Variants in HSF1 observed in about 807,000 individuals in gnomAD.
HSF1 encodes the protein heat shock transcription factor 1.
HSF1 carries 32 observed loss-of-function variants against 51.7 expected under a neutral mutation model. The ratio of observed to expected loss-of-function variants is 0.62; its 90% confidence interval spans 0.47 to 0.83. The LOEUF is 0.83. Among genes scored for constraint, HSF1 ranks in the 40% least tolerant of loss-of-function variants. The pLI, the probability that HSF1 is intolerant of heterozygous loss-of-function variation, is 0.00. For missense variants in HSF1, 727 were observed against 717.0 expected (o/e 1.01, Z -0.16); for synonymous variants, 396 against 309.7 (o/e 1.28, Z -2.92).
chr8:144,295,221 A>G (rs1473793392), intron 1 of HSF1, among the ~76,000 whole-genome samples: 1 of 152,268 alleles, frequency 6.6e-6, no homozygotes, highest in Non-Finnish European at 1.5e-5. Context: ...GCCTCTTCAG[A>G]GAATTTGACA....
rs782069048 is a variant in HSF1 at position 144,312,146 on chromosome 8, C to A, written c.1044C>A (p.Leu348=). The change falls in exon 9 of 13, where the codon CTC becomes CTA. Residue 348 remains leucine, a synonymous_variant. Transcript: ENST00000528838. The stretch of plus-strand genomic sequence containing the variant: ...CTGCCCCCGCCTCCGTCACAGCCCT[C>A]ACGGACGCCAGGGGCCACACGGACA... ...SEPAPASVTA[L]TDARGHTDTE... is the part of the protein sequence containing the mutation. 1.9e-6 allele frequency: 3 copies of A among 1,611,532 alleles called. No individual in the cohort carries two copies. The highest frequency in any genetic ancestry group is 2.5e-6 in the Non-Finnish European group (3 of 1,179,552).
At chr8:144,301,499 TAAAACC>T (rs1442864094) in intron 1 of HSF1, among the ~76,000 whole-genome samples, 1 of 152,044 alleles carries the variant, frequency 6.6e-6, no homozygotes, top group African/African-American at 2.4e-5. Context: ...TTAAGCAGGA[TAAAACC>T]AAAACCATAT....
chr8:144,309,432 G>A (rs782249274), intron 2 of HSF1, 23 bp from the exon 3 acceptor site: 3 of 1,613,424 alleles, frequency 1.9e-6, no homozygotes, highest in Non-Finnish European at 2.5e-6. Context: ...AGGCAGAGCT[G>A]CCCCCTTCCC....
At chr8:144,305,331 C>G (rs953654189) in intron 1 of HSF1, among the ~76,000 whole-genome samples, 2 of 151,026 alleles carry the variant, frequency 1.3e-5, no homozygotes, top group East Asian at 2.0e-4. Flanking sequence ...GACAGAGTCT[C>G]TTTCTGTCAC....
chr8:144,313,013 C>G, intron 9 of HSF1: 1 of 500,726 alleles, frequency 2.0e-6, no homozygotes, highest in Non-Finnish European at 3.6e-6. Flanking sequence ...TCCAGGGCAC[C>G]TCTGGGACCC....
In HSF1 at chr8:144,314,118, C is replaced by T. The variant is rs1554846062; in HGVS notation, c.1385-7C>T. The T allele has an allele frequency of 6.5e-6, 10 of 1,544,540 alleles. No individual in the cohort carries two copies. Among genetic ancestry groups the T allele is most frequent in the Non-Finnish European group, 7.9e-6 (9 of 1,144,086 alleles). The stretch of plus-strand genomic sequence containing the variant: ...CCCCCACCGCCTTGACACCCCCACC[C>T]CCGCAGGGAAGCAGCTGGTGCACTA... On this transcript the variant is annotated splice_polypyrimidine_tract_variant and splice_region_variant and intron_variant, in intron 12 of 12. Coordinates refer to ENST00000528838, the MANE Select transcript of HSF1 (RefSeq NM_005526.4).
At chr8:144,309,984 G>C (rs1292623369) in intron 4 of HSF1, 88 bp downstream of exon 4, 1 of 1,485,350 alleles carries the variant, frequency 6.7e-7, no homozygotes, top group Non-Finnish European at 9.1e-7. Flanking sequence ...GCCCTGACCG[G>C]GGCCAGGTGC....
chr8:144,295,612 G>T (rs1815401530), intron 1 of HSF1, among the ~76,000 whole-genome samples: 1 of 152,140 alleles, frequency 6.6e-6, no homozygotes, highest in African/African-American at 2.4e-5. Context: ...GGAGTGCAGG[G>T]CTATGATTGC....
At chr8:144,309,251 G>A (rs1445946727) in intron 2 of HSF1, 7 of 696,948 alleles carry the variant, frequency 1.0e-5, no homozygotes, top group East Asian at 5.4e-5. Flanking sequence ...TGTACTCCAC[G>A]TGTGTCGGGC....
In HSF1 at chr8:144,312,227, C is replaced by T. The variant is rs1237004786; in HGVS notation, c.1125C>T (p.Ser375=). The stretch of plus-strand genomic sequence containing the variant: ...CCTCCACCCCTGAAAAGTGCCTCAG[C>T]GTAGCCTGCCTGGACAAGTGAGTGC... ...PPTSTPEKCL[S]VACLDKNELS... is the part of the protein sequence containing the mutation. The change falls in exon 9 of 13, where the codon AGC becomes AGT. Residue 375 remains serine, a synonymous_variant. Transcript: ENST00000528838. 5.7e-6 allele frequency: 9 copies of T among 1,581,134 alleles called. No individual in the cohort carries two copies. In the Admixed American group the frequency reaches 6.9e-5, roughly 12 times the overall value.
intron 8 of HSF1, 33 bp from the exon 9 acceptor site, chr8:144,311,930 G>A: frequency 6.3e-7 from 1 of 1,580,936 alleles, no homozygotes; most frequent in South Asian, 1.1e-5. Context: ...GGCTGGCCGA[G>A]ACGCCAGCTC....
At chr8:144,307,044 T>C (rs1306151381) in intron 1 of HSF1, among the ~76,000 whole-genome samples, 1 of 152,198 alleles carries the variant, frequency 6.6e-6, no homozygotes, top group Non-Finnish European at 1.5e-5. Flanking sequence ...AGCTCGGGGC[T>C]GGCTCAGGTC....
Position 144,311,119 on chromosome 8 carries a change from T to C in HSF1, c.489-55T>C, listed in dbSNP as rs112403012. On this transcript the variant is annotated intron_variant, in intron 4 of 12. Transcript: ENST00000528838. The stretch of plus-strand genomic sequence containing the variant: ...GACAGGGAGGGTCTGTGGGGCTCCC[T>C]CAGCCCTGGGGCTCATGGGATTGGG... 1.3e-5 allele frequency: 19 copies of C among 1,519,804 alleles called. No homozygotes were observed. In the African/African-American group the frequency reaches 2.2e-4, roughly 18 times the overall value. 94.1% of individuals were successfully genotyped at this position (1,519,804 alleles called of 1,614,324 possible).
chr8:144,297,530 C>T lies in HSF1; in HGVS notation c.117+5656C>T, dbSNP rs1329166227. 6.6e-6 allele frequency among the ~76,000 whole-genome samples: 1 copy of T among 152,184 alleles called. No homozygotes were observed. Reference sequence around the variant, plus strand: ...GCGGGTGGCTCAGATGTGGACAGAACCAGACCAGGGAACGGGGCCACAAAG... The same window carrying T: ...GCGGGTGGCTCAGATGTGGACAGAATCAGACCAGGGAACGGGGCCACAAAG... On this transcript the variant is annotated intron_variant, in intron 1 of 12. Coordinates refer to ENST00000528838, the MANE Select transcript of HSF1 (RefSeq NM_005526.4). The surrounding 1 kb of genome is among the most constrained non-coding windows in gnomAD (Gnocchi z 4.6).
rs781866401 is a variant in HSF1 at position 144,313,478 on chromosome 8, C to T, written c.1143-33C>T. On this transcript the variant is annotated intron_variant, in intron 9 of 12. Transcript: ENST00000528838. ...GGGCATTGGGGTGTGGGGCCTGGGG[C>T]ACTGGTTCAGGTACCGCCTTATCCC... 10 of 1,399,796 alleles carry T rather than the reference C, an allele frequency of 7.1e-6. No homozygotes were observed. In the Middle Eastern group the frequency reaches 8.8e-4, roughly 124 times the overall value. The allele number at this position is 1,399,796 out of a possible 1,614,324, so 86.7% of individuals were successfully genotyped here.
intron 1 of HSF1, chr8:144,292,395 C>T (rs991098298): frequency 2.6e-5 from 4 of 152,340 alleles, no homozygotes; most frequent in Non-Finnish European, 4.4e-5. Context: ...ATCTCAAGCC[C>T]GTTTCCGAAT....
Position 144,292,153 on chromosome 8 carries a change from T to C in HSF1, c.117+279T>C, listed in dbSNP as rs192695166. ...AATGGGGCGTCTCTTGTATTGGGCT[T>C]CTGCTAACTGTTGGGCGGTTGCGGA... On this transcript the variant is annotated intron_variant, in intron 1 of 12. Coordinates refer to ENST00000528838, the MANE Select transcript of HSF1 (RefSeq NM_005526.4). 2.2e-4 allele frequency among the ~76,000 whole-genome samples: 34 copies of C among 152,362 alleles called. No individual in the cohort carries two copies. The East Asian group carries it at 5.6e-3, about 25-fold the overall frequency.
Position 144,300,176 on chromosome 8 carries a change from C to T in HSF1, c.117+8302C>T, listed in dbSNP as rs148700537. On this transcript the variant is annotated intron_variant, in intron 1 of 12. Transcript: ENST00000528838. ...ACAGCCTCACCAGGGACCATGCTCA[C>T]CATCAGCAGTGACATGCGTATCACT... Among the ~76,000 whole-genome samples the T allele has an allele frequency of 5.0e-3, 756 of 151,774 alleles. 3 individuals are homozygous for T. The highest frequency in any genetic ancestry group is 8.6e-3 in the Non-Finnish European group (584 of 67,948).
intron 1 of HSF1, among the ~76,000 whole-genome samples, chr8:144,303,486 G>A (rs1803830685): frequency 6.6e-6 from 1 of 152,042 alleles, no homozygotes; most frequent in Non-Finnish European, 1.5e-5. Flanking sequence ...TGGGCACTGG[G>A]TAAGACAGCA....
Sources: allele counts gnomAD v4.1 joint callset (sites outside exome capture counted in the v4.1 genomes callset), GRCh38; gene constraint gnomAD v4.1.1; non-coding constraint Gnocchi (gnomAD v3.1); transcripts MANE v1.5; gene names NCBI Gene and HGNC (gene_info 2026-07-23, HGNC 2026-07-21).